NASP: variants seen among roughly 807,000 people sequenced by gnomAD.
NASP encodes NASP histone chaperone.
A neutral mutation model predicts 89.5 loss-of-function variants in NASP; 24 were observed. The ratio of observed to expected loss-of-function variants is 0.27; its 90% CI spans 0.19 to 0.38. The LOEUF is 0.38. Ranked by LOEUF, NASP falls within the 10% of genes least tolerant of loss-of-function variation. The pLI, the probability that NASP is intolerant of heterozygous loss-of-function variation, is 1.00. For synonymous variants in NASP, 306 were observed against 324.7 expected (o/e 0.94, Z 0.62); for missense variants, 848 against 921.4 (o/e 0.92, Z 1.03).
At chr1:45,584,296 C>A in intron 1 of NASP, 91 bp downstream of exon 1, 1 of 1,248,396 alleles carries the variant, frequency 8.0e-7, no homozygotes, top group Non-Finnish European at 1.1e-6. Context: ...GACCGGTGGG[C>A]GGGAGTACTT....
chr1:45,588,252 C>T (rs955565298), intron 1 of NASP, among the ~76,000 whole-genome samples: 8 of 151,960 alleles, frequency 5.3e-5, no homozygotes, highest in Admixed American at 1.3e-4. Flanking sequence ...TACAGGCGCC[C>T]GCCACCACAC....
At chr1:45,586,284 G>GGTGT (rs202167906) in intron 1 of NASP, among the ~76,000 whole-genome samples, 60 of 100,508 alleles carry the variant, frequency 6.0e-4, no homozygotes, top group East Asian at 2.2e-3. Context: ...GTGTGTGTGT[G>GGTGT]GTGTGTGTGT....
chr1:45,586,295 GTGTGTGTGTGTGTGGT>G (rs1557646669), intron 1 of NASP, among the ~76,000 whole-genome samples: 2 of 95,102 alleles, frequency 2.1e-5, no homozygotes, highest in Admixed American at 2.1e-4. Flanking sequence ...GTGTGTGTGT[GTGTGTGTGTGTGTGGT>G]GTGTGTGTGT....
At chr1:45,594,020 C>T (rs1643622609) in intron 2 of NASP, among the ~76,000 whole-genome samples, 2 of 150,574 alleles carry the variant, frequency 1.3e-5, no homozygotes, top group Non-Finnish European at 3.0e-5. Flanking sequence ...CAGAGTGAGA[C>T]CCTGTCTCCA....
At chr1:45,604,837 T>A (rs547797395) in intron 3 of NASP, 99 bp from the exon 4 acceptor site, 8 of 905,136 alleles carry the variant, frequency 8.8e-6, no homozygotes, top group Non-Finnish European at 1.0e-5. Flanking sequence ...TTTCTAGGAG[T>A]ATGTTACTGG....
intron 2 of NASP, among the ~76,000 whole-genome samples, chr1:45,594,201 C>T (rs188313680): frequency 8.6e-5 from 13 of 151,806 alleles, no homozygotes; most frequent in African/African-American, 3.1e-4. Flanking sequence ...TGGTGGCTAG[C>T]GCCTGTAATT....
chr1:45,607,457 A>G lies in NASP; in HGVS notation c.546A>G (p.Gly182=). The G allele has an allele frequency of 6.2e-7, 1 of 1,613,798 alleles. No homozygotes were observed. Among genetic ancestry groups the G allele is most frequent in the Non-Finnish European group, 8.5e-7 (1 of 1,179,950 alleles). Residue 182 remains glycine, a synonymous_variant, in exon 6 of 15, where the codon GGA becomes GGG. Transcript: ENST00000350030. The stretch of plus-strand genomic sequence containing the variant: ...AGGACAGTGAAATGGAGAAGGGTGG[A>G]AGAGAAGATATGGATATAAGTAAAT... ...KEQDSEMEKG[G]REDMDISKSA...
intron 6 of NASP, chr1:45,610,971 G>C (rs1643998451): frequency 6.6e-6 from 1 of 152,424 alleles, no homozygotes; most frequent in African/African-American, 2.4e-5. Flanking sequence ...ACTAGCCTCA[G>C]CCTCCCAGAG....
Position 45,599,953 on chromosome 1 carries a change from A to ATT in NASP, c.108-2281_108-2280dup, listed in dbSNP as rs11302173. Among the ~76,000 whole-genome samples the ATT allele has an allele frequency of 8.0e-3, 634 of 79,024 alleles. 5 individuals are homozygous for ATT. The highest frequency in any genetic ancestry group is 0.04 in the East Asian group (120 of 2,964). 51.8% of individuals were successfully genotyped at this position (79,024 alleles called of 152,430 possible). A position where few individuals can be genotyped will look rare whatever the true frequency, so the allele number is the denominator to read the frequency against. ...CTGTCCTAGAGTGCTTTTCCTCTGT[A>ATT]TTTTTTTTTTTTTTTTTTTTTTGGC... On this transcript the variant is annotated intron_variant, in intron 2 of 14. Transcript: ENST00000350030.
At position 45,586,284 on chromosome 1, in the gene NASP, GGTGT is replaced by G. The variant is rs202167906; in HGVS notation, c.59+2101_59+2104del. Among the ~76,000 whole-genome samples, 149 of 100,498 alleles carry G rather than the reference GGTGT, an allele frequency of 1.5e-3. 2 individuals carry two copies. The highest frequency in any genetic ancestry group is 8.9e-4 in the African/African-American group (20 of 22,500). 65.9% of individuals were successfully genotyped at this position (100,498 alleles called of 152,430 possible). ...TGTGTGTGTGTGTGTGTGTGTGTGT[GGTGT>G]GTGTGTGTGTGTGTGTGTGTGGTGT... On this transcript the variant is annotated intron_variant, in intron 1 of 14. Transcript: ENST00000350030.
intron 1 of NASP, among the ~76,000 whole-genome samples, chr1:45,587,639 T>C (rs1340346660): frequency 7.2e-6 from 1 of 138,534 alleles, no homozygotes; most frequent in African/African-American, 2.7e-5. Context: ...TTCTAGGCTA[T>C]GAGGTTTGTC....
At chr1:45,584,496 A>G (rs967852017) in intron 1 of NASP, among the ~76,000 whole-genome samples, 2 of 151,968 alleles carry the variant, frequency 1.3e-5, no homozygotes, top group Non-Finnish European at 2.9e-5. Flanking sequence ...TTCCTCCCCC[A>G]GCCCGGGGCG....
rs766674698 is a variant in NASP at position 45,607,405 on chromosome 1, T to G, written c.494T>G (p.Leu165Trp). The change falls in exon 6 of 15, where the codon TTG becomes TGG. Residue 165 changes from leucine (L) to tryptophan (W), a missense_variant. Around this residue, in one of 5 missense-constraint regions of NASP, gnomAD observed 464 missense variants for 469.4 expected, o/e 0.99. Transcript: ENST00000350030. ...EEAKKTEDKS[L>W]AKPETDKEQD... The stretch of plus-strand genomic sequence containing the variant: ...GCCAAAAAAACAGAAGACAAGTCTT[T>G]GGCAAAGCCTGAAACTGATAAAGAA... 29 of 1,613,826 alleles carry G rather than the reference T, an allele frequency of 1.8e-5. 3 individuals are homozygous for G. The South Asian group carries it at 3.2e-4, about 18-fold the overall frequency.
At chr1:45,596,982 CAAAAAAAA>C (rs1207171198) in intron 2 of NASP, among the ~76,000 whole-genome samples, 4 of 147,274 alleles carry the variant, frequency 2.7e-5, no homozygotes, top group Non-Finnish European at 6.0e-5. Flanking sequence ...GACGCTGTCT[CAAAAAAAA>C]GAAAAAAAAG....
chr1:45,617,310 T>C, intron 13 of NASP, 153 bp from the exon 14 acceptor site: 1 of 766,908 alleles, frequency 1.3e-6, no homozygotes, highest in Non-Finnish European at 2.1e-6. Flanking sequence ...AGAGTACAGG[T>C]TGGCATCTGC....
chr1:45,616,516 G>A, intron 12 of NASP, 110 bp from the exon 13 acceptor site: 1 of 1,496,366 alleles, frequency 6.7e-7, no homozygotes, highest in East Asian at 2.3e-5. Context: ...TTCAACACTA[G>A]CTTGGGCAAC....
chr1:45,601,745 ATTTTTTTT>A lies in NASP; in HGVS notation c.108-489_108-482del, dbSNP rs71056316. 2.5e-3 allele frequency among the ~76,000 whole-genome samples: 169 copies of A among 68,930 alleles called. 1 individual carries two copies. The highest frequency in any genetic ancestry group is 3.7e-3 in the Non-Finnish European group (151 of 40,974). The allele number at this position is 68,930 out of a possible 152,430, so 45.2% of individuals were successfully genotyped here. A position where few individuals can be genotyped will look rare whatever the true frequency, so the allele number is the denominator to read the frequency against. ...TGTGATTAGATGAGCCGTTAAGAGAATTTTTTTTTTTTTTTTTTTTTTTTTTTTGAGGT... is the reference window on the plus strand; with the variant it reads ...TGTGATTAGATGAGCCGTTAAGAGAATTTTTTTTTTTTTTTTTTTTGAGGT... On this transcript the variant is annotated intron_variant, in intron 2 of 14. Transcript: ENST00000350030.
intron 2 of NASP, among the ~76,000 whole-genome samples, chr1:45,594,161 A>G (rs555155470): frequency 2.5e-4 from 29 of 115,536 alleles, no homozygotes; most frequent in African/African-American, 8.8e-4. Flanking sequence ...CCCCGTCTCT[A>G]CTAAAAAAGA....
At chr1:45,601,009 G>A (rs1335118787) in intron 2 of NASP, among the ~76,000 whole-genome samples, 3 of 151,808 alleles carry the variant, frequency 2.0e-5, no homozygotes, top group Non-Finnish European at 2.9e-5. Context: ...AAAATCTTTC[G>A]CCCCCTTTTT....
Sources: gnomAD v4.1 joint callset for allele counts (sites outside exome capture counted in the v4.1 genomes callset) on GRCh38, gnomAD v4.1.1 for gene constraint, gnomAD v4.1.1 regional missense constraint, MANE v1.5 for transcripts, NCBI Gene and HGNC (gene_info 2026-07-23, HGNC 2026-07-21) for gene names.